The following RYR3 variants were observed in gnomAD, a reference collection of about 807,000 sequenced individuals.
The protein encoded by RYR3 is brain ryanodine receptor-calcium release channel.
In RYR3, 207 loss-of-function variants were observed where a neutral mutation model predicts 584.3. That is an observed-to-expected ratio of 0.35 (90% CI 0.32 to 0.40). The LOEUF is 0.40. Ranked by LOEUF, RYR3 falls within the 10% of genes least tolerant of loss-of-function variation. RYR3 has a pLI of 1.00. For synonymous variants in RYR3, 2,416 were observed against 2,248.5 expected, an observed-to-expected ratio of 1.07 and a Z score of -2.11; for missense variants, 5,616 against 6,089.2, an observed-to-expected ratio of 0.92 and a Z score of 2.59.
At chr15:33,344,316 C>T (rs1363469771) in intron 1 of RYR3, among the ~76,000 whole-genome samples, 2 of 152,172 alleles carry the variant, frequency 1.3e-5, no homozygotes, top group Non-Finnish European at 2.9e-5. Flanking sequence ...TGGGTTGAGT[C>T]ATGAAAAGTA....
chr15:33,526,360 A>G (rs1320737191), intron 3 of RYR3, among the ~76,000 whole-genome samples: 5 of 152,176 alleles, frequency 3.3e-5, no homozygotes, highest in Admixed American at 2.0e-4. Flanking sequence ...ATCCTGCGAG[A>G]TGGAACCAAA....
chr15:33,487,759 C>G (rs1272092337), intron 2 of RYR3, among the ~76,000 whole-genome samples: 1 of 152,204 alleles, frequency 6.6e-6, no homozygotes, highest in Admixed American at 6.5e-5. Flanking sequence ...TCATATTCAT[C>G]CATATGCAAC....
intron 67 of RYR3, among the ~76,000 whole-genome samples, chr15:33,795,380 C>CTTTTTTTTTTTT (rs1201963780): frequency 7.2e-4 from 67 of 92,452 alleles, no homozygotes; most frequent in African/African-American, 1.4e-3. Flanking sequence ...TTTTTCTTTT[C>CTTTTTTTTTTTT]TTTTTTTTTT....
chr15:33,582,612 T>G (rs1394784528), intron 14 of RYR3, among the ~76,000 whole-genome samples: 1 of 152,196 alleles, frequency 6.6e-6, no homozygotes, highest in African/African-American at 2.4e-5. Context: ...TCAGTTATTA[T>G]TATTACTGTC....
At chr15:33,379,685 C>CTATA (rs1234432644) in intron 1 of RYR3, among the ~76,000 whole-genome samples, 1,247 of 117,758 alleles carry the variant, frequency 0.011, 9 homozygotes, top group Middle Eastern at 0.032. Flanking sequence ...CTCTCTCTCT[C>CTATA]TCTATATATA....
At chr15:33,604,143 C>T (rs1190124159) in intron 18 of RYR3, among the ~76,000 whole-genome samples, 7 of 152,304 alleles carry the variant, frequency 4.6e-5, no homozygotes, top group Middle Eastern at 3.4e-3. Context: ...TTGGAGACGT[C>T]GCGTCCCTTA....
rs185418626 is a variant in RYR3, at chr15:33,854,360, A to G, written c.13800-29A>G. The G allele has an allele frequency of 2.1e-5, 33 of 1,540,184 alleles. 1 individual carries two copies. The Admixed American group carries it at 4.4e-4, about 20-fold the overall frequency. Reference sequence around the variant, plus strand: ...CACTTAACTACCTCTTGACATTTATAAGTTTTAAAATCACTTGTTCTTCTC... The same window carrying G: ...CACTTAACTACCTCTTGACATTTATGAGTTTTAAAATCACTTGTTCTTCTC... On this transcript the variant is annotated intron_variant, in intron 96 of 103. Transcript: ENST00000634891.
At chr15:33,772,727 G>A (rs999421524) in intron 63 of RYR3, among the ~76,000 whole-genome samples, 5 of 152,192 alleles carry the variant, frequency 3.3e-5, no homozygotes, top group African/African-American at 1.2e-4. Flanking sequence ...ATTGGGACAT[G>A]ATTTAATTTG....
Position 33,646,445 on chromosome 15 carries a change from A to G in RYR3, c.3860A>G (p.Tyr1287Cys), listed in dbSNP as rs750028398. ...GTQNSNADMI[Y>C]CRLSMPVECH... is the part of the protein sequence containing the mutation. ...CAGAATAGCAATGCCGACATGATCT[A>G]TTGCCGCTTGAGCATGCCTGTCGAG... Residue 1287 changes from tyrosine to cysteine, a missense_variant, in exon 29 of 104, where the codon TAT becomes TGT. Tyr to Cys is a radical substitution (Grantham distance 194, BLOSUM62 -2). Around this residue, in one of 9 missense-constraint regions of RYR3, gnomAD observed 753 missense variants for 741.0 expected, o/e 1.02. Coordinates refer to ENST00000634891, the MANE Select transcript of RYR3 (RefSeq NM_001036.6). 8.7e-6 allele frequency: 14 copies of G among 1,613,822 alleles called. No individual in the cohort carries two copies. Among genetic ancestry groups the G allele is most frequent in the Admixed American group, 6.7e-5 (4 of 60,002 alleles).
At chr15:33,759,077 C>A (rs994019377) in intron 60 of RYR3, among the ~76,000 whole-genome samples, 2 of 151,418 alleles carry the variant, frequency 1.3e-5, no homozygotes, top group Non-Finnish European at 2.9e-5. Context: ...GGAAAACTAA[C>A]AAACAGAAAG....
intron 60 of RYR3, among the ~76,000 whole-genome samples, chr15:33,766,014 C>T (rs1336806857): frequency 6.6e-6 from 1 of 152,168 alleles, no homozygotes; most frequent in Admixed American, 6.5e-5. Context: ...AGTGCGGTGG[C>T]TCACGCTTGT....
chr15:33,508,635 G>A (rs1051457502), intron 3 of RYR3, among the ~76,000 whole-genome samples: 1 of 152,158 alleles, frequency 6.6e-6, no homozygotes, highest in Non-Finnish European at 1.5e-5. Context: ...GGGCGACAGA[G>A]CAAGTCTCCA....
chr15:33,742,880 C>T (rs769715894), intron 52 of RYR3, among the ~76,000 whole-genome samples: 5 of 152,166 alleles, frequency 3.3e-5, no homozygotes, highest in Admixed American at 6.5e-5. Flanking sequence ...GGAAGACATG[C>T]AATCGTCTTC....
chr15:33,669,228 C>CA (rs10630004), intron 36 of RYR3, 126 bp from the exon 37 acceptor site: 102,777 of 508,834 alleles, frequency 0.2, 4,087 homozygotes, highest in East Asian at 0.29. Context: ...CCACTTTTAC[C>CA]AAAAAAAAAA....
At chr15:33,364,463 A>C (rs1184845690) in intron 1 of RYR3, among the ~76,000 whole-genome samples, 1 of 152,212 alleles carries the variant, frequency 6.6e-6, no homozygotes, top group Non-Finnish European at 1.5e-5. Context: ...TTTCCTCTAC[A>C]TCTTCATTTT....
At chr15:33,609,323 C>T (rs568415230) in intron 18 of RYR3, among the ~76,000 whole-genome samples, 1 of 152,284 alleles carries the variant, frequency 6.6e-6, no homozygotes, top group South Asian at 2.1e-4. Flanking sequence ...AATCCCAGCA[C>T]TTCGGGAGGC....
In RYR3 at chr15:33,726,613, G is replaced by A. The variant is rs114147272; in HGVS notation, c.7033+107G>A. On this transcript the variant is annotated intron_variant, in intron 46 of 103. Coordinates refer to ENST00000634891, the MANE Select transcript of RYR3 (RefSeq NM_001036.6). ...GCCCCCAGGCCCTGACTTGCAGGGC[G>A]GGCTGCACAGGGCAAGTGTCTCACT... 3.3e-4 allele frequency: 379 copies of A among 1,153,368 alleles called. No individual in the cohort carries two copies. The African/African-American group carries it at 5.1e-3, about 16-fold the overall frequency. The allele number at this position is 1,153,368 out of a possible 1,614,324, so 71.4% of individuals were successfully genotyped here.
In RYR3 at chr15:33,623,875, GCTATGAAGCCTTA is replaced by G; in HGVS notation, c.2429_2441del (p.Tyr810PhefsTer6). 1 of 1,613,816 alleles carries G rather than the reference GCTATGAAGCCTTA, an allele frequency of 6.2e-7. No homozygotes were observed. Among genetic ancestry groups the G allele is most frequent in the Non-Finnish European group, 8.5e-7 (1 of 1,179,820 alleles). On this transcript the variant is annotated frameshift_variant, in exon 20 of 104. Coordinates refer to ENST00000634891, the MANE Select transcript of RYR3 (RefSeq NM_001036.6). LOFTEE classifies it high-confidence loss of function. ...CTGCCTCCCTCTGGCTATGCCCCTT[GCTATGAAGCCTTA>G]CTTCCAAAAGAGAAGATGAGATTGG...
chr15:33,311,241 C>G lies in RYR3; in HGVS notation c.51+145C>G, dbSNP rs1022640434. On this transcript the variant is annotated intron_variant, in intron 1 of 103. Transcript: ENST00000634891. The surrounding 1 kb of genome is among the most constrained non-coding windows in gnomAD (Gnocchi z 4.4). ...GCACCCGCGGGCTGCAGAGGCGGAC[C>G]GGCCACCTACCCGCGGGGCCGCGAG... 3.8e-6 allele frequency: 2 copies of G among 522,736 alleles called. No homozygotes were observed. Among genetic ancestry groups the G allele is most frequent in the Non-Finnish European group, 6.2e-6 (2 of 323,948 alleles). 32.4% of individuals were successfully genotyped at this position (522,736 alleles called of 1,614,324 possible). A position where few individuals can be genotyped will look rare whatever the true frequency, so the allele number is the denominator to read the frequency against.
Sources: gnomAD v4.1 joint callset for allele counts (sites outside exome capture counted in the v4.1 genomes callset) on GRCh38, gnomAD v4.1.1 for gene constraint, gnomAD v4.1.1 regional missense constraint, Gnocchi (gnomAD v3.1) non-coding constraint, MANE v1.5 for transcripts, NCBI Gene and HGNC (gene_info 2026-07-23, HGNC 2026-07-21) for gene names.